AMBRA1: variants seen among roughly 807,000 people sequenced by gnomAD.
The protein encoded by AMBRA1 is activating molecule in BECN1-regulated autophagy protein 1.
In AMBRA1, 47 loss-of-function variants were observed where a neutral mutation model predicts 125.4. That is an observed-to-expected ratio of 0.37 (90% CI 0.30 to 0.48). The LOEUF is 0.48. AMBRA1 is among the 20% of genes least tolerant of loss of function. The pLI is 0.99. For synonymous variants in AMBRA1, 626 were observed against 655.5 expected (o/e 0.95, Z 0.69); for missense variants, 1,331 against 1,693.4 (o/e 0.79, Z 3.76).
At chr11:46,565,956 G>A (rs112897300) in intron 1 of AMBRA1, among the ~76,000 whole-genome samples, 1,659 of 151,868 alleles carry the variant, frequency 0.011, 13 homozygotes, top group Middle Eastern at 0.062. Flanking sequence ...TGTATTTTTC[G>A]TAAAGACAGA....
Position 46,421,409 on chromosome 11 carries a change from G to A in AMBRA1, c.2977-3357C>T, listed in dbSNP as rs902402715. ...AGGAAGCCAGAAAATGCCGCACAAA[G>A]ATCAGCAGCCTCCTGGATCCTGATA... is the stretch of plus-strand genomic sequence containing the variant. On this transcript the variant is annotated intron_variant, in intron 14 of 17. Coordinates refer to ENST00000683756, the MANE Select transcript of AMBRA1 (RefSeq NM_001387011.1). Among the ~76,000 whole-genome samples the A allele has an allele frequency of 2.6e-5, 4 of 152,228 alleles. No homozygotes were observed. In the East Asian group the frequency reaches 7.7e-4, roughly 29 times the overall value.
At chr11:46,413,654 C>G (rs1037663520) in intron 15 of AMBRA1, among the ~76,000 whole-genome samples, 1 of 152,092 alleles carries the variant, frequency 6.6e-6, no homozygotes, top group African/African-American at 2.4e-5. Context: ...CCATGCCTGG[C>G]TAATTTTTGT....
At chr11:46,558,614 A>AT (rs374707063) in intron 1 of AMBRA1, among the ~76,000 whole-genome samples, 43 of 151,994 alleles carry the variant, frequency 2.8e-4, no homozygotes, top group African/African-American at 1.0e-3. Context: ...TAGCTGACAA[A>AT]TATCAAGAAT....
In AMBRA1 at chr11:46,510,636, G is replaced by A. The variant is rs981734050; in HGVS notation, c.2159+2091C>T. Among the ~76,000 whole-genome samples the A allele has an allele frequency of 4.6e-5, 7 of 152,170 alleles. No individual in the cohort carries two copies. The South Asian group carries it at 6.2e-4, about 13-fold the overall frequency. On this transcript the variant is annotated intron_variant, in intron 8 of 17. Transcript: ENST00000683756. The stretch of plus-strand genomic sequence containing the variant: ...GATAATAAGAAGACTGCCTTTTTAT[G>A]TAGGGACATAGGAATTCCCCAAGCT...
chr11:46,579,271 A>G (rs1247966945), intron 1 of AMBRA1, among the ~76,000 whole-genome samples: 1 of 152,114 alleles, frequency 6.6e-6, no homozygotes, highest in African/African-American at 2.4e-5. Flanking sequence ...CAGCCTGACC[A>G]ACATGGAGAA....
intron 7 of AMBRA1, among the ~76,000 whole-genome samples, chr11:46,534,419 C>T (rs886113393): frequency 3.3e-5 from 5 of 152,088 alleles, no homozygotes; most frequent in Middle Eastern, 3.4e-3. Flanking sequence ...CACTTGAACC[C>T]GGGAGGCGGA....
intron 1 of AMBRA1, among the ~76,000 whole-genome samples, chr11:46,574,365 G>GT (rs1226498854): frequency 6.6e-6 from 1 of 150,822 alleles, no homozygotes; most frequent in African/African-American, 2.5e-5. Flanking sequence ...ATTCTAACTG[G>GT]TGTGAGATGG....
At position 46,565,086 on chromosome 11, in the gene AMBRA1, T is replaced by C. The variant is rs142886649; in HGVS notation, c.-120-16586A>G. On this transcript the variant is annotated intron_variant, in intron 1 of 17. Transcript: ENST00000683756. ...GCCTGGGCATCATGGCAAAACCTCA[T>C]CTCTACAAAAAAATATAAAAATTAG... 7.9e-5 allele frequency among the ~76,000 whole-genome samples: 12 copies of C among 151,830 alleles called. No homozygotes were observed. The East Asian group carries it at 2.1e-3, about 27-fold the overall frequency.
intron 7 of AMBRA1, chr11:46,518,534 C>T (rs1422912682): frequency 2.0e-5 from 3 of 152,366 alleles, no homozygotes; most frequent in Non-Finnish European, 4.4e-5. Flanking sequence ...AAACTACAGG[C>T]CCCAGGTCAG....
At chr11:46,408,741 G>A in intron 16 of AMBRA1, 35 bp from the exon 17 acceptor site, 3 of 1,492,990 alleles carry the variant, frequency 2.0e-6, no homozygotes, top group Non-Finnish European at 2.7e-6. Flanking sequence ...GTCAGATGGG[G>A]CTTGGGACAG....
At chr11:46,415,798 G>T (rs1373389873) in intron 15 of AMBRA1, among the ~76,000 whole-genome samples, 1 of 152,160 alleles carries the variant, frequency 6.6e-6, no homozygotes, top group African/African-American at 2.4e-5. Flanking sequence ...TGAGTTCCTG[G>T]TGGGTAAGAG....
intron 14 of AMBRA1, among the ~76,000 whole-genome samples, chr11:46,421,244 C>T (rs1007004971): frequency 1.8e-4 from 27 of 152,166 alleles, no homozygotes; most frequent in Admixed American, 1.6e-3. Context: ...TCTGCAGTGG[C>T]AAGAGTCATG....
At chr11:46,546,289 C>T (rs890299214) in intron 4 of AMBRA1, among the ~76,000 whole-genome samples, 2 of 152,154 alleles carry the variant, frequency 1.3e-5, no homozygotes, top group African/African-American at 4.8e-5. Flanking sequence ...ATCCTCCTGT[C>T]TTGGTCTCCT....
chr11:46,428,406 T>C (rs1291497562), intron 14 of AMBRA1, among the ~76,000 whole-genome samples: 6 of 152,154 alleles, frequency 3.9e-5, no homozygotes, highest in African/African-American at 1.4e-4. Context: ...GGAGCAAAAC[T>C]GCATTCTATC....
At chr11:46,515,137 G>C (rs543884757) in intron 7 of AMBRA1, among the ~76,000 whole-genome samples, 132 of 152,266 alleles carry the variant, frequency 8.7e-4, no homozygotes, top group African/African-American at 2.9e-3. Flanking sequence ...CGTTTAGTAA[G>C]CTGAGGCCCT....
intron 7 of AMBRA1, among the ~76,000 whole-genome samples, chr11:46,521,561 T>C (rs529833060): frequency 4.6e-5 from 7 of 152,402 alleles, no homozygotes; most frequent in African/African-American, 1.7e-4. Flanking sequence ...GACAAGCCCT[T>C]ATTCTTTGTA....
At chr11:46,530,897 T>C (rs1354195445) in intron 7 of AMBRA1, among the ~76,000 whole-genome samples, 1 of 152,252 alleles carries the variant, frequency 6.6e-6, no homozygotes, top group Non-Finnish European at 1.5e-5. Context: ...TTCATTCATT[T>C]ATTTGAGACG....
At chr11:46,560,868 C>A (rs1248847302) in intron 1 of AMBRA1, among the ~76,000 whole-genome samples, 1 of 152,122 alleles carries the variant, frequency 6.6e-6, no homozygotes, top group East Asian at 1.9e-4. Context: ...ACCCCAGAAA[C>A]GGAAACTGAA....
intron 14 of AMBRA1, among the ~76,000 whole-genome samples, chr11:46,420,817 T>G (rs540060383): frequency 1.1e-4 from 16 of 152,262 alleles, no homozygotes; most frequent in Admixed American, 5.2e-4. Flanking sequence ...AAGTCTCCCC[T>G]GAAACTACAA....
Sources: gnomAD v4.1 joint callset for allele counts (sites outside exome capture counted in the v4.1 genomes callset) on GRCh38, gnomAD v4.1.1 for gene constraint, MANE v1.5 for transcripts, NCBI Gene and HGNC (gene_info 2026-07-23, HGNC 2026-07-21) for gene names.